PTPRD: variants seen among roughly 807,000 people sequenced by gnomAD.
The protein encoded by PTPRD is protein tyrosine phosphatase receptor type D, also known as receptor-type tyrosine-protein phosphatase delta.
PTPRD carries 34 observed loss-of-function variants against 214.5 expected under a neutral mutation model. That is an observed-to-expected ratio of 0.16 (90% CI 0.12 to 0.21). PTPRD has a LOEUF of 0.21. Ranked by LOEUF, PTPRD falls within the 10% of genes least tolerant of loss-of-function variation. PTPRD has a pLI of 1.00. For missense variants in PTPRD, 2,545 were observed against 2,398.7 expected (o/e 1.06, Z -1.27); for synonymous variants, 1,128 against 845.7 (o/e 1.33, Z -5.79).
rs991320672 is a variant in PTPRD, at chr9:8,722,686, C to T, written c.64+11094G>A. On this transcript the variant is annotated intron_variant, in intron 12 of 45. Transcript: ENST00000381196. ...GCAATTCTATGTTGACCATCACCCT[C>T]CAATAACAGCCTTACTTTACAAATG... Among the ~76,000 whole-genome samples the T allele has an allele frequency of 8.5e-5, 13 of 152,126 alleles. 1 individual carries two copies. The highest frequency in any genetic ancestry group is 3.1e-4 in the African/African-American group (13 of 41,436).
At chr9:8,949,089 T>C (rs2099087928) in intron 11 of PTPRD, among the ~76,000 whole-genome samples, 1 of 151,814 alleles carries the variant, frequency 6.6e-6, no homozygotes, top group South Asian at 2.1e-4. Context: ...CTGGGTGTAG[T>C]GGCGGGCACC....
intron 7 of PTPRD, among the ~76,000 whole-genome samples, chr9:9,589,941 C>T (rs2092542262): frequency 6.6e-6 from 1 of 151,864 alleles, no homozygotes; most frequent in South Asian, 2.1e-4. Flanking sequence ...AATATCTATC[C>T]AAAGCGCTCA....
At chr9:9,519,229 A>G (rs970534860) in intron 8 of PTPRD, among the ~76,000 whole-genome samples, 3 of 151,966 alleles carry the variant, frequency 2.0e-5, no homozygotes, top group Non-Finnish European at 4.4e-5. Flanking sequence ...TGAGACTTTA[A>G]TGCATACCTA....
chr9:8,752,727 A>G (rs970924676), intron 11 of PTPRD, among the ~76,000 whole-genome samples: 3 of 152,092 alleles, frequency 2.0e-5, no homozygotes, highest in Non-Finnish European at 4.4e-5. Context: ...ACTGTAGACC[A>G]ATCATTCCCC....
At chr9:9,924,068 T>C (rs2083442961) in intron 5 of PTPRD, among the ~76,000 whole-genome samples, 2 of 151,998 alleles carry the variant, frequency 1.3e-5, no homozygotes, top group African/African-American at 4.8e-5. Flanking sequence ...TATATTGTGC[T>C]AAAAATGTAA....
chr9:9,548,021 G>C (rs1364048341), intron 8 of PTPRD, among the ~76,000 whole-genome samples: 1 of 151,872 alleles, frequency 6.6e-6, no homozygotes, highest in African/African-American at 2.4e-5. Context: ...AAAGTGTAAA[G>C]AAAAACACTG....
At chr9:9,897,143 C>CACACAT (rs2075210603) in intron 5 of PTPRD, among the ~76,000 whole-genome samples, 2 of 151,694 alleles carry the variant, frequency 1.3e-5, no homozygotes, top group Admixed American at 1.3e-4. Context: ...CACACACACA[C>CACACAT]ACACACACAC....
intron 8 of PTPRD, among the ~76,000 whole-genome samples, chr9:9,505,998 G>A (rs2096562082): frequency 6.6e-6 from 1 of 151,118 alleles, no homozygotes; most frequent in African/African-American, 2.4e-5. Context: ...ATAATCTAAG[G>A]ACACAGGTCT....
At chr9:9,339,132 C>T (rs2045765935) in intron 9 of PTPRD, among the ~76,000 whole-genome samples, 1 of 152,026 alleles carries the variant, frequency 6.6e-6, no homozygotes, top group Admixed American at 6.6e-5. Context: ...TGACCTATAG[C>T]TGAAAATCAA....
At chr9:9,365,550 A>T (rs749862150) in intron 9 of PTPRD, among the ~76,000 whole-genome samples, 1 of 151,558 alleles carries the variant, frequency 6.6e-6, no homozygotes, top group Non-Finnish European at 1.5e-5. Flanking sequence ...AATTCCATTT[A>T]TTGCAGGGGA....
intron 2 of PTPRD, among the ~76,000 whole-genome samples, chr9:10,598,668 A>ATG (rs1412122300): frequency 1.1e-5 from 1 of 90,790 alleles, no homozygotes; most frequent in African/African-American, 4.2e-5. Flanking sequence ...CCATTTTTAT[A>ATG]TATGTATGTG....
chr9:9,529,495 T>A (rs1459581318), intron 8 of PTPRD, among the ~76,000 whole-genome samples: 2 of 152,142 alleles, frequency 1.3e-5, no homozygotes, highest in Middle Eastern at 3.2e-3. Context: ...CTAATGAAGT[T>A]ATATGAATGG....
At chr9:9,721,400 GCT>G (rs2097941841) in intron 7 of PTPRD, among the ~76,000 whole-genome samples, 1 of 152,090 alleles carries the variant, frequency 6.6e-6, no homozygotes, top group Non-Finnish European at 1.5e-5. Context: ...AAATAGTCTT[GCT>G]CCTTTGTAGA....
chr9:10,558,604 T>C (rs1257411550), intron 2 of PTPRD, among the ~76,000 whole-genome samples: 3 of 152,156 alleles, frequency 2.0e-5, no homozygotes, highest in African/African-American at 4.8e-5. Context: ...GCATTTACCA[T>C]GATGTTTTAC....
chr9:10,541,543 T>C (rs1478495443), intron 2 of PTPRD, among the ~76,000 whole-genome samples: 1 of 151,850 alleles, frequency 6.6e-6, no homozygotes, highest in African/African-American at 2.4e-5. Flanking sequence ...TTATATATAT[T>C]TATATAATAC....
intron 39 of PTPRD, among the ~76,000 whole-genome samples, chr9:8,347,166 A>G (rs942692517): frequency 2.0e-5 from 3 of 151,978 alleles, no homozygotes; most frequent in Non-Finnish European, 4.4e-5. Context: ...GAAATCATCC[A>G]TGGGAATATT....
At chr9:10,340,588 T>C (rs546759844) in intron 3 of PTPRD, among the ~76,000 whole-genome samples, 1 of 151,940 alleles carries the variant, frequency 6.6e-6, no homozygotes, top group East Asian at 1.9e-4. Context: ...TTGGATAAAC[T>C]ACCAACCATC....
chr9:8,884,698 A>G (rs13290454), intron 11 of PTPRD, among the ~76,000 whole-genome samples: 33,960 of 152,206 alleles, frequency 0.22, 4,470 homozygotes, highest in Non-Finnish European at 0.3. Flanking sequence ...TGAAATCCAC[A>G]ATAGAAAGGT....
chr9:10,261,538 G>A (rs997284459), intron 3 of PTPRD, among the ~76,000 whole-genome samples: 3 of 151,998 alleles, frequency 2.0e-5, no homozygotes, highest in African/African-American at 4.8e-5. Context: ...TTGTGTGTGT[G>A]TATATATACA....
Sources: gnomAD v4.1 joint callset for allele counts (sites outside exome capture counted in the v4.1 genomes callset) on GRCh38, gnomAD v4.1.1 for gene constraint, MANE v1.5 for transcripts, NCBI Gene and HGNC (gene_info 2026-07-23, HGNC 2026-07-21) for gene names.